The following WHRN variants were observed in gnomAD, a reference collection of about 807,000 sequenced individuals.
WHRN encodes CASK-interacting protein CIP98.
WHRN carries 41 observed loss-of-function variants against 68.3 expected under a neutral mutation model. The observed-to-expected ratio is 0.60, with a 90% CI of 0.47 to 0.78. The LOEUF is 0.78. Among genes scored for constraint, WHRN ranks in the 30% least tolerant of loss-of-function variants. The pLI, the probability that WHRN is intolerant of heterozygous loss-of-function variation, is 0.00. For synonymous variants in WHRN, 560 were observed against 561.3 expected (o/e 1.00, Z 0.03); for missense variants, 1,243 against 1,244.7 (o/e 1.00, Z 0.02).
intron 1 of WHRN, among the ~76,000 whole-genome samples, chr9:114,495,398 G>A (rs1333982606): frequency 6.6e-6 from 1 of 152,292 alleles, no homozygotes; most frequent in Admixed American, 6.5e-5. Context: ...GAAGAGGGAG[G>A]TGTGGTCTGA....
At chr9:114,462,768 G>A (rs1439860377) in intron 3 of WHRN, among the ~76,000 whole-genome samples, 3 of 152,276 alleles carry the variant, frequency 2.0e-5, no homozygotes, top group East Asian at 1.9e-4. Flanking sequence ...TAAATCTATC[G>A]TCTATAAATT....
At chr9:114,441,476 G>A (rs1365756282) in intron 3 of WHRN, among the ~76,000 whole-genome samples, 2 of 152,186 alleles carry the variant, frequency 1.3e-5, no homozygotes, top group African/African-American at 2.4e-5. Context: ...ATTCCCCATT[G>A]AGAAATATCA....
chr9:114,450,614 C>T (rs1839235772), intron 3 of WHRN, among the ~76,000 whole-genome samples: 1 of 152,164 alleles, frequency 6.6e-6, no homozygotes, highest in African/African-American at 2.4e-5. Context: ...CTTTTATCTG[C>T]ATCAAGTGCT....
At chr9:114,464,259 A>G (rs902945799) in intron 3 of WHRN, among the ~76,000 whole-genome samples, 3 of 152,246 alleles carry the variant, frequency 2.0e-5, no homozygotes, top group East Asian at 1.9e-4. Flanking sequence ...TACCATGTCT[A>G]TAACAATGAT....
At chr9:114,434,522 A>AT (rs1189024984) in intron 3 of WHRN, among the ~76,000 whole-genome samples, 271 of 5,580 alleles carry the variant, frequency 0.049, 1 homozygote, top group African/African-American at 0.067. Flanking sequence ...CAAACCCCTG[A>AT]CCTTTCCTCC....
chr9:114,488,456 C>T (rs533533719), intron 1 of WHRN, among the ~76,000 whole-genome samples: 12 of 152,286 alleles, frequency 7.9e-5, no homozygotes, highest in Admixed American at 7.2e-4. Flanking sequence ...CCTCTCTCCT[C>T]GCTTCTCTCC....
intron 1 of WHRN, among the ~76,000 whole-genome samples, chr9:114,489,841 C>T (rs1255413830): frequency 6.6e-6 from 1 of 152,172 alleles, no homozygotes; most frequent in African/African-American, 2.4e-5. Context: ...TCTGCTTTCT[C>T]CTCCTACCTC....
chr9:114,421,110 C>T (rs1836244212), intron 7 of WHRN, among the ~76,000 whole-genome samples: 1 of 152,072 alleles, frequency 6.6e-6, no homozygotes, highest in African/African-American at 2.4e-5. Flanking sequence ...CCTTTAGGAC[C>T]ACTCTTTTCA....
intron 9 of WHRN, among the ~76,000 whole-genome samples, chr9:114,404,931 C>T (rs1200095379): frequency 1.3e-5 from 2 of 151,776 alleles, no homozygotes; most frequent in South Asian, 2.1e-4. Flanking sequence ...AGTGAAGCAG[C>T]GTGGGTTGAC....
At chr9:114,488,743 G>A (rs946178092) in intron 1 of WHRN, among the ~76,000 whole-genome samples, 1 of 152,196 alleles carries the variant, frequency 6.6e-6, no homozygotes, top group Non-Finnish European at 1.5e-5. Flanking sequence ...AATGTCATGA[G>A]AAAGTAAAAC....
intron 3 of WHRN, among the ~76,000 whole-genome samples, chr9:114,427,114 G>A (rs79461529): frequency 0.063 from 9,555 of 152,082 alleles, 331 homozygotes; most frequent in African/African-American, 0.096. Flanking sequence ...AATAATAGCC[G>A]GGCACAGTCG....
chr9:114,504,604 G>C lies in WHRN; in HGVS notation c.198C>G (p.His66Gln). The change falls in exon 1 of 12, where the codon CAC becomes CAG. Residue 66 changes from histidine (H) to glutamine (Q), a missense_variant. Physicochemically the swap from His to Gln is conservative, Grantham distance 24 (BLOSUM62 0). Coordinates refer to ENST00000362057, the MANE Select transcript of WHRN (RefSeq NM_015404.4). Reference sequence around the variant, plus strand: ...CCAGGTCGAAGACGTTGCGGCGCGCGTGGTAAGCGTTCAGGCAGTGGGTGA... The same window carrying C: ...CCAGGTCGAAGACGTTGCGGCGCGCCTGGTAAGCGTTCAGGCAGTGGGTGA... ...EQFTHCLNAY[H>Q]ARRNVFDLVR... 1 of 1,611,246 alleles carries C rather than the reference G, an allele frequency of 6.2e-7. No individual in the cohort carries two copies. The highest frequency in any genetic ancestry group is 8.5e-7 in the Non-Finnish European group (1 of 1,179,502).
At chr9:114,460,607 T>C (rs563052306) in intron 3 of WHRN, among the ~76,000 whole-genome samples, 18 of 152,286 alleles carry the variant, frequency 1.2e-4, no homozygotes, top group African/African-American at 2.9e-4. Context: ...TAGCCCCCAC[T>C]GGGGGAGTGG....
At position 114,406,397 on chromosome 9, in the gene WHRN, C is replaced by T. The variant is rs142857132; in HGVS notation, c.2194G>A (p.Glu732Lys). ...VMVEVHRPDSEPDVNEVRALP... is the reference protein window; with the variant it reads ...VMVEVHRPDSKPDVNEVRALP... ...GCCCTCACTTCATTGACGTCTGGCT[C>T]GCTGTCGGGGCGGTGGACCTCCACC... The change falls in exon 9 of 12, where the codon GAG (glutamate) becomes AAG (lysine). Residue 732 changes from glutamate (E) to lysine (K), a missense_variant. Physicochemically the swap from Glu to Lys is moderately conservative, Grantham distance 56. Transcript: ENST00000362057. 3.5e-5 allele frequency: 56 copies of T among 1,614,180 alleles called. No homozygotes were observed. Among genetic ancestry groups the T allele is most frequent in the Admixed American group, 8.3e-5 (5 of 60,022 alleles).
At chr9:114,460,446 C>T (rs1840153013) in intron 3 of WHRN, among the ~76,000 whole-genome samples, 1 of 152,214 alleles carries the variant, frequency 6.6e-6, no homozygotes, top group African/African-American at 2.4e-5. Context: ...ATGGCAACTG[C>T]TATCATTATG....
chr9:114,426,200 A>T lies in WHRN; in HGVS notation c.1166+11T>A. ...GGGGTCTGGAGATTGGAGCGAGCAGAGTGGCCAGACCCTGCCGAGTTCGCC... is the reference window on the plus strand; with the variant it reads ...GGGGTCTGGAGATTGGAGCGAGCAGTGTGGCCAGACCCTGCCGAGTTCGCC... On this transcript the variant is annotated intron_variant, in intron 4 of 11. Coordinates refer to ENST00000362057, the MANE Select transcript of WHRN (RefSeq NM_015404.4). 1 of 1,611,974 alleles carries T rather than the reference A, an allele frequency of 6.2e-7. No homozygotes were observed. The highest frequency in any genetic ancestry group is 8.5e-7 in the Non-Finnish European group (1 of 1,179,958).
chr9:114,478,867 C>T, intron 1 of WHRN, 96 bp from the exon 2 acceptor site: 2 of 1,209,936 alleles, frequency 1.7e-6, no homozygotes, highest in Non-Finnish European at 2.4e-6. Context: ...TTCTCAGGAG[C>T]CCCACATGGA....
intron 3 of WHRN, among the ~76,000 whole-genome samples, chr9:114,432,012 T>C (rs772138755): frequency 6.6e-6 from 1 of 152,180 alleles, no homozygotes; most frequent in Non-Finnish European, 1.5e-5. Flanking sequence ...CTCAGCTTGC[T>C]TGCAGGGCAC....
chr9:114,424,273 C>T, intron 6 of WHRN, 61 bp downstream of exon 6: 1 of 1,582,774 alleles, frequency 6.3e-7, no homozygotes, highest in Non-Finnish European at 8.7e-7. Context: ...GGAGCGGGGG[C>T]AGGGCAGGAT....
Sources: allele counts gnomAD v4.1 joint callset (sites outside exome capture counted in the v4.1 genomes callset), GRCh38; gene constraint gnomAD v4.1.1; transcripts MANE v1.5; gene names NCBI Gene and HGNC (gene_info 2026-07-23, HGNC 2026-07-21).